GRIK4: variants seen among roughly 807,000 people sequenced by gnomAD.
GRIK4 encodes glutamate receptor ionotropic, kainate 4.
A neutral mutation model predicts 104.9 loss-of-function variants in GRIK4; 40 were observed. The ratio of observed to expected loss-of-function variants is 0.38; its 90% CI spans 0.30 to 0.50. The LOEUF (loss-of-function observed/expected upper bound fraction) is 0.50, where lower values mean the gene tolerates loss of function less well. Among genes scored for constraint, GRIK4 ranks in the 20% least tolerant of loss-of-function variants. GRIK4 has a pLI of 0.93. For missense variants in GRIK4, 1,047 were observed against 1,308.1 expected (o/e 0.80, Z 3.08); for synonymous variants, 485 against 524.9 (o/e 0.92, Z 1.04).
At chr11:120,837,646 TGCCCCTCAA>T (rs1953608587) in intron 8 of GRIK4, among the ~76,000 whole-genome samples, 1 of 151,160 alleles carries the variant, frequency 6.6e-6, no homozygotes, top group South Asian at 2.1e-4. Context: ...ATCCCCCTCA[TGCCCCTCAA>T]AACATAAAAC....
chr11:120,857,795 C>G (rs1954151493), intron 8 of GRIK4, among the ~76,000 whole-genome samples: 1 of 152,174 alleles, frequency 6.6e-6, no homozygotes, highest in Non-Finnish European at 1.5e-5. Context: ...CAAGCACTCT[C>G]TAGATGCAGT....
intron 1 of GRIK4, among the ~76,000 whole-genome samples, chr11:120,578,160 G>A (rs1051036967): frequency 6.6e-6 from 1 of 152,224 alleles, no homozygotes; most frequent in African/African-American, 2.4e-5. Flanking sequence ...GGGCAGGGAA[G>A]TAGAAGGGCA....
intron 1 of GRIK4, among the ~76,000 whole-genome samples, chr11:120,573,824 G>T (rs1948437446): frequency 1.3e-5 from 2 of 152,192 alleles, no homozygotes; most frequent in Non-Finnish European, 2.9e-5. Context: ...CCTTCTATCT[G>T]GAGGTGGCCT....
At chr11:120,781,499 T>C (rs2846103) in intron 3 of GRIK4, among the ~76,000 whole-genome samples, 68,818 of 151,920 alleles carry the variant, frequency 0.45, 17,435 homozygotes, top group African/African-American at 0.71. Flanking sequence ...CACAGGCAAG[T>C]GCCACCATGC....
At chr11:120,590,736 G>A (rs990424314) in intron 1 of GRIK4, among the ~76,000 whole-genome samples, 1 of 152,158 alleles carries the variant, frequency 6.6e-6, no homozygotes. Context: ...CTGCCACAGG[G>A]TCCTTGCCTC....
intron 1 of GRIK4, among the ~76,000 whole-genome samples, chr11:120,650,779 T>C (rs544467710): frequency 1.3e-5 from 2 of 152,350 alleles, no homozygotes; most frequent in South Asian, 4.1e-4. Context: ...ATTCGGTATG[T>C]GTACATGCTT....
At chr11:120,620,076 C>A in intron 1 of GRIK4, 1 of 678,746 alleles carries the variant, frequency 1.5e-6, no homozygotes, top group South Asian at 1.7e-5. Context: ...GTGAAGGTAC[C>A]TCTCTAAAAC....
chr11:120,682,760 C>T (rs903320379), intron 3 of GRIK4, among the ~76,000 whole-genome samples: 1 of 152,028 alleles, frequency 6.6e-6, no homozygotes, highest in African/African-American at 2.4e-5. Context: ...CTTCCCCATG[C>T]TCACACTGCC....
At chr11:120,757,463 A>G (rs1418806642) in intron 3 of GRIK4, among the ~76,000 whole-genome samples, 1 of 152,158 alleles carries the variant, frequency 6.6e-6, no homozygotes, top group Non-Finnish European at 1.5e-5. Flanking sequence ...AGGCAAAAAG[A>G]CTTAGAGTAT....
At chr11:120,980,341 C>T (rs1944631416) in intron 19 of GRIK4, among the ~76,000 whole-genome samples, 1 of 152,206 alleles carries the variant, frequency 6.6e-6, no homozygotes, top group Non-Finnish European at 1.5e-5. Flanking sequence ...CCGTGTTGCA[C>T]AGATACACAT....
chr11:120,973,992 T>C lies in GRIK4; in HGVS notation c.2395+6669T>C, dbSNP rs12289122. 6.4e-3 allele frequency among the ~76,000 whole-genome samples: 975 copies of C among 152,148 alleles called. 7 individuals are homozygous for C. Among genetic ancestry groups the C allele is most frequent in the African/African-American group, 0.022 (927 of 41,504 alleles). ...GCACAATCTTGACTCACTGCAACCT[T>C]CACCTCCTGGGTTCAAGCAGTTCTC... On this transcript the variant is annotated intron_variant, in intron 19 of 20. Coordinates refer to ENST00000527524, the MANE Select transcript of GRIK4 (RefSeq NM_014619.5).
intron 7 of GRIK4, 105 bp from the exon 8 acceptor site, chr11:120,836,686 G>A (rs1044026317): frequency 1.8e-5 from 14 of 765,282 alleles, no homozygotes; most frequent in Non-Finnish European, 3.1e-5. Context: ...CTGGTGCCAA[G>A]GGGCAGTGGG....
rs577655817 is a variant in GRIK4, at chr11:120,950,394, C to G, written c.1591-2461C>G. 5.9e-5 allele frequency among the ~76,000 whole-genome samples: 9 copies of G among 152,324 alleles called. No individual in the cohort carries two copies. In the East Asian group the frequency reaches 1.7e-3, roughly 29 times the overall value. The stretch of plus-strand genomic sequence containing the variant: ...CCTTATCACCCATAACCAAATATGG[C>G]AGCTTTAAATAGTGCTGTCATTTTC... On this transcript the variant is annotated intron_variant, in intron 14 of 20. Transcript: ENST00000527524.
intron 1 of GRIK4, among the ~76,000 whole-genome samples, chr11:120,644,415 C>T (rs1159986833): frequency 1.3e-5 from 2 of 152,192 alleles, no homozygotes; most frequent in Non-Finnish European, 2.9e-5. Flanking sequence ...TCATTTGAAA[C>T]TGCAAATAGC....
At chr11:120,585,648 T>C (rs1948652400) in intron 1 of GRIK4, among the ~76,000 whole-genome samples, 1 of 152,232 alleles carries the variant, frequency 6.6e-6, no homozygotes, top group South Asian at 2.1e-4. Context: ...TCACAAGTGT[T>C]TTCTTCTACT....
At chr11:120,892,741 C>T (rs1303710547) in intron 11 of GRIK4, among the ~76,000 whole-genome samples, 2 of 152,170 alleles carry the variant, frequency 1.3e-5, no homozygotes, top group Non-Finnish European at 2.9e-5. Flanking sequence ...GACACTCATT[C>T]AGTTGTACAG....
At chr11:120,596,108 A>C (rs987888641) in intron 1 of GRIK4, among the ~76,000 whole-genome samples, 2 of 152,156 alleles carry the variant, frequency 1.3e-5, no homozygotes, top group South Asian at 4.1e-4. Flanking sequence ...GGCCTCCCAG[A>C]GTGCTGGGAT....
At chr11:120,785,754 G>T (rs983971919) in intron 3 of GRIK4, among the ~76,000 whole-genome samples, 3 of 152,178 alleles carry the variant, frequency 2.0e-5, no homozygotes, top group Non-Finnish European at 4.4e-5. Flanking sequence ...CGTGACACAG[G>T]GAAATGGTTC....
chr11:120,930,337 C>T (rs1312695948), intron 13 of GRIK4, among the ~76,000 whole-genome samples: 2 of 152,194 alleles, frequency 1.3e-5, no homozygotes, highest in Non-Finnish European at 2.9e-5. Context: ...AAGATATGCA[C>T]ACAAATGTAA....
Sources: gnomAD v4.1 joint callset for allele counts (sites outside exome capture counted in the v4.1 genomes callset) on GRCh38, gnomAD v4.1.1 for gene constraint, MANE v1.5 for transcripts, NCBI Gene and HGNC (gene_info 2026-07-23, HGNC 2026-07-21) for gene names.